ATP1A4: variants seen among roughly 807,000 people sequenced by gnomAD.
The protein encoded by ATP1A4 is sodium/potassium-transporting ATPase subunit alpha-4.
Under a neutral mutation model 114.3 loss-of-function variants are expected in ATP1A4, and 90 were observed. The observed-to-expected ratio is 0.79, with a 90% CI of 0.66 to 0.94. ATP1A4 has a LOEUF of 0.94. ATP1A4 is among the 40% of genes least tolerant of loss of function. ATP1A4 has a pLI of 0.00. For missense variants in ATP1A4, 1,222 were observed against 1,313.6 expected (o/e 0.93, Z 1.08); for synonymous variants, 511 against 494.1 (o/e 1.03, Z -0.45).
chr1:160,171,797 A>G (rs370086521), intron 12 of ATP1A4, 40 bp downstream of exon 12: 7 of 1,596,322 alleles, frequency 4.4e-6, no homozygotes, highest in South Asian at 1.1e-5. Context: ...CACCTGTCAC[A>G]AGTTGAAGCA....
intron 6 of ATP1A4, among the ~76,000 whole-genome samples, chr1:160,163,702 A>G (rs536123164): frequency 6.6e-6 from 1 of 152,274 alleles, no homozygotes; most frequent in Non-Finnish European, 1.5e-5. Context: ...TGGAGATTTC[A>G]TTACATAGGT....
Position 160,151,969 on chromosome 1 carries a change from C to G in ATP1A4, c.-72C>G. On this transcript the variant is annotated 5_prime_UTR_variant, in exon 1 of 22. Transcript: ENST00000368081. ...GGCCCCCTTGCCCGCGCGCCCTCTT[C>G]CCTTCCCCTTGCCTCACTCTCTCAG... 5 of 1,548,232 alleles carry G rather than the reference C, an allele frequency of 3.2e-6. No homozygotes were observed. In the South Asian group the frequency reaches 5.0e-5, roughly 15 times the overall value.
At chr1:160,177,685 A>G (rs753078605) in intron 18 of ATP1A4, 21 bp downstream of exon 18, 5 of 1,613,456 alleles carry the variant, frequency 3.1e-6, no homozygotes, top group Middle Eastern at 1.7e-4. Flanking sequence ...GGGATAAGGT[A>G]GGAGCTGAGA....
At chr1:160,171,867 TTC>T (rs755950736) in intron 12 of ATP1A4, 110 bp downstream of exon 12, 3 of 1,119,402 alleles carry the variant, frequency 2.7e-6, no homozygotes, top group Non-Finnish European at 3.8e-6. Flanking sequence ...TTGAGCGGAT[TTC>T]TGTTTCCTTG....
At chr1:160,178,325 A>G (rs1211734015) in intron 18 of ATP1A4, among the ~76,000 whole-genome samples, 2 of 151,880 alleles carry the variant, frequency 1.3e-5, no homozygotes, top group African/African-American at 4.8e-5. Context: ...ATTGCACTGC[A>G]GCCTGGGCAA....
At chr1:160,184,259 G>A (rs938354105) in intron 20 of ATP1A4, among the ~76,000 whole-genome samples, 1 of 152,050 alleles carries the variant, frequency 6.6e-6, no homozygotes, top group Admixed American at 6.6e-5. Context: ...CCTTGATAAT[G>A]CTAATATTGA....
At chr1:160,158,378 T>A (rs965910246) in intron 4 of ATP1A4, among the ~76,000 whole-genome samples, 5 of 151,422 alleles carry the variant, frequency 3.3e-5, no homozygotes, top group Non-Finnish European at 7.4e-5. Context: ...ATGAAAGCAC[T>A]TTTTTTTTAA....
chr1:160,177,713 G>T, intron 18 of ATP1A4, 49 bp downstream of exon 18: 1 of 1,601,162 alleles, frequency 6.2e-7, no homozygotes, highest in African/African-American at 1.3e-5. Flanking sequence ...GAGTGAGAGT[G>T]ACAGGGGAGA....
chr1:160,154,842 C>T (rs143639462), intron 2 of ATP1A4, among the ~76,000 whole-genome samples: 1 of 152,224 alleles, frequency 6.6e-6, no homozygotes, highest in Non-Finnish European at 1.5e-5. Context: ...AAAAACCTTC[C>T]TATGTAAGCA....
At chr1:160,170,901 T>A (rs1653226374) in intron 10 of ATP1A4, 1 of 187,422 alleles carries the variant, frequency 5.3e-6, no homozygotes, top group South Asian at 1.6e-4. Flanking sequence ...CTCTTTTTCT[T>A]TCCTGTCTAC....
chr1:160,180,904 C>T (rs945443666), intron 18 of ATP1A4, among the ~76,000 whole-genome samples: 28 of 151,688 alleles, frequency 1.8e-4, no homozygotes, highest in African/African-American at 5.3e-4. Context: ...TTAGTAGAGA[C>T]GGGGTTTCAT....
At chr1:160,163,627 C>T (rs901389495) in intron 6 of ATP1A4, among the ~76,000 whole-genome samples, 2 of 152,144 alleles carry the variant, frequency 1.3e-5, no homozygotes, top group African/African-American at 4.8e-5. Flanking sequence ...AGGGTGCCCT[C>T]CAGTAACCCT....
At chr1:160,184,125 G>T (rs1653802181) in intron 20 of ATP1A4, among the ~76,000 whole-genome samples, 1 of 151,994 alleles carries the variant, frequency 6.6e-6, no homozygotes. Flanking sequence ...GCTAATTTTT[G>T]TATTTTTAGT....
chr1:160,184,539 CCT>C (rs1311886931), intron 20 of ATP1A4, among the ~76,000 whole-genome samples: 1 of 151,472 alleles, frequency 6.6e-6, no homozygotes, highest in Non-Finnish European at 1.5e-5. Flanking sequence ...AGAGCAAGTC[CCT>C]GTCTCTAAAA....
Position 160,174,150 on chromosome 1 carries a change from G to A in ATP1A4, c.2031G>A (p.Lys677=), listed in dbSNP as rs1288658991. 1.9e-6 allele frequency: 3 copies of A among 1,614,188 alleles called. No homozygotes were observed. The highest frequency in any genetic ancestry group is 1.7e-5 in the Admixed American group (1 of 60,020). Residue 677 remains lysine, a synonymous_variant, in exon 14 of 22, where the codon AAG becomes AAA. Transcript: ENST00000368081. The part of the protein sequence containing the change: ...KAIVVHGAEL[K]DIQSKQLDQI... ...TTGTGGTGCATGGTGCAGAACTGAAGGACATACAGTCCAAGCAGCTTGATC... is the reference window on the plus strand; with the variant it reads ...TTGTGGTGCATGGTGCAGAACTGAAAGACATACAGTCCAAGCAGCTTGATC...
chr1:160,154,743 G>A (rs1652574968), intron 2 of ATP1A4, among the ~76,000 whole-genome samples: 1 of 152,112 alleles, frequency 6.6e-6, no homozygotes, highest in African/African-American at 2.4e-5. Context: ...TAAGGGTAGG[G>A]ACCATTCTTA....
At position 160,151,974 on chromosome 1, in the gene ATP1A4, C is replaced by T; in HGVS notation, c.-67C>T. ...CCTTGCCCGCGCGCCCTCTTCCCTTCCCCTTGCCTCACTCTCTCAGCTTTC... is the reference window on the plus strand; with the variant it reads ...CCTTGCCCGCGCGCCCTCTTCCCTTTCCCTTGCCTCACTCTCTCAGCTTTC... On this transcript the variant is annotated 5_prime_UTR_variant, in exon 1 of 22. Transcript: ENST00000368081. 1.9e-6 allele frequency: 3 copies of T among 1,556,976 alleles called. No individual in the cohort carries two copies. Among genetic ancestry groups the T allele is most frequent in the Non-Finnish European group, 2.6e-6 (3 of 1,153,024 alleles).
chr1:160,158,778 C>G (rs1460466475), intron 4 of ATP1A4, among the ~76,000 whole-genome samples: 2 of 152,190 alleles, frequency 1.3e-5, no homozygotes, highest in African/African-American at 4.8e-5. Context: ...GAGATAGACT[C>G]CACCTCTTAA....
intron 18 of ATP1A4, among the ~76,000 whole-genome samples, chr1:160,178,479 A>T (rs1373589322): frequency 1.6e-4 from 24 of 151,912 alleles, no homozygotes; most frequent in Admixed American, 1.4e-3. Flanking sequence ...GATCAAGACC[A>T]TCCTGGCCAA....
Sources: gnomAD v4.1 joint callset for allele counts (sites outside exome capture counted in the v4.1 genomes callset) on GRCh38, gnomAD v4.1.1 for gene constraint, MANE v1.5 for transcripts, NCBI Gene and HGNC (gene_info 2026-07-23, HGNC 2026-07-21) for gene names.